The following CPNE8 variants were observed in gnomAD, a reference collection of about 807,000 sequenced individuals.
CPNE8 encodes copine 8.
CPNE8 carries 45 observed loss-of-function variants against 81.5 expected under a neutral mutation model. The ratio of observed to expected loss-of-function variants is 0.55; its 90% CI spans 0.44 to 0.71. CPNE8 has a LOEUF of 0.71. Ranked by LOEUF, CPNE8 falls within the 30% of genes least tolerant of loss-of-function variation. The probability of loss-of-function intolerance (pLI) is 0.00; values close to 1 mark genes in which losing one functional copy is unlikely to be tolerated. For synonymous variants in CPNE8, 252 were observed against 226.3 expected (o/e 1.11, Z -1.02); for missense variants, 594 against 672.1 (o/e 0.88, Z 1.28).
At chr12:38,794,357 G>C (rs1205076867) in intron 6 of CPNE8, among the ~76,000 whole-genome samples, 1 of 152,002 alleles carries the variant, frequency 6.6e-6, no homozygotes, top group African/African-American at 2.4e-5. Flanking sequence ...TGATTAAAAA[G>C]TGAACATAGG....
At chr12:38,850,301 C>A (rs958176938) in intron 3 of CPNE8, among the ~76,000 whole-genome samples, 1 of 152,144 alleles carries the variant, frequency 6.6e-6, no homozygotes, top group Non-Finnish European at 1.5e-5. Context: ...TCCCAAGTAT[C>A]TGGATTTTTA....
intron 1 of CPNE8, among the ~76,000 whole-genome samples, chr12:38,879,611 C>CTA (rs1944121586): frequency 6.6e-6 from 1 of 152,018 alleles, no homozygotes; most frequent in Non-Finnish European, 1.5e-5. Context: ...TGCAGGCATG[C>CTA]TACTCACTCT....
At chr12:38,715,834 G>A (rs1940373327) in intron 13 of CPNE8, among the ~76,000 whole-genome samples, 1 of 152,016 alleles carries the variant, frequency 6.6e-6, no homozygotes, top group Non-Finnish European at 1.5e-5. Flanking sequence ...ATCTAAATTG[G>A]AAGAGAGGAT....
chr12:38,777,556 A>G (rs1941961773), intron 6 of CPNE8, among the ~76,000 whole-genome samples: 1 of 152,166 alleles, frequency 6.6e-6, no homozygotes, highest in Admixed American at 6.5e-5. Flanking sequence ...ACATTCACTC[A>G]CCACTCACTT....
At chr12:38,655,428 G>A (rs1047911698) in intron 19 of CPNE8, among the ~76,000 whole-genome samples, 4 of 152,062 alleles carry the variant, frequency 2.6e-5, no homozygotes, top group African/African-American at 9.7e-5. Context: ...TAATTTAAGA[G>A]CACAGTAATT....
At chr12:38,812,573 C>G (rs1053638952) in intron 6 of CPNE8, among the ~76,000 whole-genome samples, 1 of 152,132 alleles carries the variant, frequency 6.6e-6, no homozygotes, top group Non-Finnish European at 1.5e-5. Flanking sequence ...CAATTACCTC[C>G]CATTGGGACC....
At chr12:38,889,557 T>A (rs1944281936) in intron 1 of CPNE8, among the ~76,000 whole-genome samples, 1 of 152,116 alleles carries the variant, frequency 6.6e-6, no homozygotes, top group Non-Finnish European at 1.5e-5. Flanking sequence ...TAAGTCAGGG[T>A]TTGGAAGATC....
At chr12:38,767,456 C>A (rs973732636) in intron 8 of CPNE8, among the ~76,000 whole-genome samples, 179 bp downstream of exon 8, 1 of 151,882 alleles carries the variant, frequency 6.6e-6, no homozygotes, top group Non-Finnish European at 1.5e-5. Flanking sequence ...AAGTATCAGA[C>A]AAAACATAAA....
At chr12:38,790,658 C>G (rs1942299068) in intron 6 of CPNE8, among the ~76,000 whole-genome samples, 1 of 151,556 alleles carries the variant, frequency 6.6e-6, no homozygotes, top group Admixed American at 6.6e-5. Context: ...CCATATTTTC[C>G]ATGATGTGAT....
intron 6 of CPNE8, among the ~76,000 whole-genome samples, chr12:38,798,818 G>C (rs1942575331): frequency 6.6e-6 from 1 of 152,060 alleles, no homozygotes; most frequent in African/African-American, 2.4e-5. Context: ...CACATGCAGA[G>C]ACACACATAG....
At chr12:38,902,299 G>A (rs1239896441) in intron 1 of CPNE8, among the ~76,000 whole-genome samples, 4 of 27,672 alleles carry the variant, frequency 1.4e-4, no homozygotes, top group African/African-American at 6.4e-4. Context: ...AGGAAGGAAA[G>A]GAAGGAAGGA....
In CPNE8 at chr12:38,757,528, C is replaced by T. The variant is rs893390990; in HGVS notation, c.722+3319G>A. Among the ~76,000 whole-genome samples the T allele has an allele frequency of 7.9e-5, 12 of 151,890 alleles. No individual in the cohort carries two copies. The East Asian group carries it at 1.9e-3, about 24-fold the overall frequency. ...TATTATATTTTATTGGAGACTAATG[C>T]GCCTTTCAAATTTCATACATAAGAC... On this transcript the variant is annotated intron_variant, in intron 10 of 19. Transcript: ENST00000331366.
intron 19 of CPNE8, 64 bp from the exon 20 acceptor site, chr12:38,654,134 A>G (rs1938766476): frequency 1.2e-5 from 18 of 1,499,276 alleles, no homozygotes; most frequent in Non-Finnish European, 1.5e-5. Context: ...AAACACAAAA[A>G]ATCAACACAT....
intron 6 of CPNE8, among the ~76,000 whole-genome samples, chr12:38,799,141 G>A (rs140963239): frequency 6.6e-4 from 101 of 152,176 alleles, no homozygotes; most frequent in African/African-American, 2.1e-3. Flanking sequence ...ACAGATCAAC[G>A]AGACAGAAAG....
intron 4 of CPNE8, 148 bp from the exon 5 acceptor site, chr12:38,840,103 C>A: frequency 1.3e-6 from 1 of 789,642 alleles, no homozygotes; most frequent in Non-Finnish European, 1.9e-6. Flanking sequence ...TAAAGTTTCA[C>A]ATATTCCGTG....
chr12:38,829,597 T>C (rs1048349432), intron 5 of CPNE8, 142 bp from the exon 6 acceptor site: 2 of 613,378 alleles, frequency 3.3e-6, no homozygotes, highest in Non-Finnish European at 5.8e-6. Context: ...ATAAGCTCAA[T>C]ATGCATTAAT....
intron 8 of CPNE8, among the ~76,000 whole-genome samples, chr12:38,767,056 A>ACTAAACTAAACTAAACATATTG (rs1342685505): frequency 1.1e-4 from 16 of 152,124 alleles, no homozygotes; most frequent in Non-Finnish European, 2.4e-4. Flanking sequence ...ATTCTCACAA[A>ACTAAACTAAACTAAACATATTG]TACTAATAGT....
chr12:38,780,370 A>G (rs1212925650), intron 6 of CPNE8, among the ~76,000 whole-genome samples: 3 of 152,128 alleles, frequency 2.0e-5, no homozygotes, highest in African/African-American at 7.2e-5. Flanking sequence ...AAAAGGTCTA[A>G]TAATATGTTT....
chr12:38,740,923 T>A (rs1158911497), intron 10 of CPNE8, among the ~76,000 whole-genome samples: 1 of 152,112 alleles, frequency 6.6e-6, no homozygotes, highest in Non-Finnish European at 1.5e-5. Flanking sequence ...TTAGGGAGGA[T>A]TTCCTCTTTT....
Sources: gnomAD v4.1 joint callset for allele counts (sites outside exome capture counted in the v4.1 genomes callset) on GRCh38, gnomAD v4.1.1 for gene constraint, MANE v1.5 for transcripts, NCBI Gene and HGNC (gene_info 2026-07-23, HGNC 2026-07-21) for gene names.